The following FRMPD2 variants were observed in gnomAD, a reference collection of about 807,000 sequenced individuals.
FRMPD2 encodes the protein FERM and PDZ domain containing 2, also known as FERM and PDZ domain-containing protein 2.
FRMPD2 carries 96 observed loss-of-function variants against 140.1 expected under a neutral mutation model. That is an observed-to-expected ratio of 0.69 (90% confidence interval 0.58 to 0.81). FRMPD2 has a LOEUF of 0.81. Ranked by LOEUF, FRMPD2 falls within the 40% of genes least tolerant of loss-of-function variation. FRMPD2 has a pLI of 0.00. For synonymous variants in FRMPD2, 449 were observed against 547.6 expected (o/e 0.82, Z 2.52); for missense variants, 1,240 against 1,447.4 (o/e 0.86, Z 2.32).
At chr10:48,252,386 A>G (rs896827217) in intron 1 of FRMPD2, among the ~76,000 whole-genome samples, 1 of 152,166 alleles carries the variant, frequency 6.6e-6, no homozygotes, top group African/African-American at 2.4e-5. Context: ...ACTAATCTCC[A>G]GAGACCCAGG....
intron 12 of FRMPD2, among the ~76,000 whole-genome samples, chr10:48,214,059 C>T (rs778216373): frequency 9.2e-5 from 14 of 152,130 alleles, no homozygotes; most frequent in Non-Finnish European, 2.1e-4. Flanking sequence ...TAGTAGCTGC[C>T]GAAAAGATCT....
rs1173234591 is a variant in FRMPD2, at chr10:48,237,922, C to T, written c.921+69G>A. ...GAAGACCCTGCCCATTTTCAGCCAC[C>T]GTGCCAGCCACCCACAGCTCCCTGC... On this transcript the variant is annotated intron_variant, in intron 8 of 28. Transcript: ENST00000374201. 38 of 1,584,130 alleles carry T rather than the reference C, an allele frequency of 2.4e-5. No homozygotes were observed. In the East Asian group the frequency reaches 3.8e-4, roughly 16 times the overall value.
chr10:48,223,601 G>A (rs993235547), intron 10 of FRMPD2, among the ~76,000 whole-genome samples: 1 of 152,202 alleles, frequency 6.6e-6, no homozygotes, highest in Non-Finnish European at 1.5e-5. Context: ...AAGGAAAGGA[G>A]TTTGACTAAG....
chr10:48,232,524 C>G (rs568187106), intron 9 of FRMPD2, among the ~76,000 whole-genome samples: 1 of 152,160 alleles, frequency 6.6e-6, no homozygotes, highest in East Asian at 1.9e-4. Context: ...CAAATCTGAG[C>G]CTTCTGCCAG....
chr10:48,243,566 C>T (rs1001713916), intron 4 of FRMPD2, among the ~76,000 whole-genome samples: 4 of 152,204 alleles, frequency 2.6e-5, no homozygotes, highest in African/African-American at 9.7e-5. Context: ...TCAGGACACA[C>T]ACCCAGGAAG....
At chr10:48,256,153 T>C (rs1840483032) in intron 1 of FRMPD2, among the ~76,000 whole-genome samples, 1 of 152,128 alleles carries the variant, frequency 6.6e-6, no homozygotes, top group Non-Finnish European at 1.5e-5. Flanking sequence ...GCTTATCTGA[T>C]CTTCACCAGT....
intron 1 of FRMPD2, among the ~76,000 whole-genome samples, chr10:48,263,910 A>G (rs1840638067): frequency 6.6e-6 from 1 of 152,158 alleles, no homozygotes. Flanking sequence ...ATATTAGCAA[A>G]TCAAATCCAA....
chr10:48,212,050 C>G lies in FRMPD2; in HGVS notation c.1515G>C (p.Glu505Asp). Residue 505 changes from glutamate (E) to aspartate (D), a missense_variant, in exon 13 of 29, where the codon GAG (glutamate) becomes GAC (aspartate). By Grantham distance (45) the Glu-to-Asp change is conservative (BLOSUM62 2). Transcript: ENST00000374201. ...VEDYIPASLIERMTALRVQVE... is the reference protein window; with the variant it reads ...VEDYIPASLIDRMTALRVQVE... The stretch of plus-strand genomic sequence containing the variant: ...CCTGGACCCGTAGAGCGGTCATCCT[C>G]TCGATCAGACTCGCTGGGATGTAAT... 1 of 1,614,110 alleles carries G rather than the reference C, an allele frequency of 6.2e-7. No homozygotes were observed. Among genetic ancestry groups the G allele is most frequent in the Non-Finnish European group, 8.5e-7 (1 of 1,179,990 alleles).
chr10:48,175,650 C>T (rs1250476705), intron 23 of FRMPD2, among the ~76,000 whole-genome samples, 196 bp downstream of exon 23: 1 of 151,960 alleles, frequency 6.6e-6, no homozygotes, highest in Admixed American at 6.5e-5. Flanking sequence ...CTGCAGACCC[C>T]CCAACCTATC....
chr10:48,191,543 A>G (rs545857634), intron 16 of FRMPD2, among the ~76,000 whole-genome samples: 1 of 152,262 alleles, frequency 6.6e-6, no homozygotes, highest in South Asian at 2.1e-4. Flanking sequence ...GGTGCACGGC[A>G]ATGTACATTT....
intron 13 of FRMPD2, 58 bp from the exon 14 acceptor site, chr10:48,206,991 C>T: frequency 6.7e-7 from 1 of 1,503,358 alleles, no homozygotes; most frequent in South Asian, 1.2e-5. Flanking sequence ...AATAATGGGC[C>T]TCACGCCATT....
At chr10:48,250,796 T>TTTA (rs1491552899) in intron 2 of FRMPD2, among the ~76,000 whole-genome samples, 1 of 79,482 alleles carries the variant, frequency 1.3e-5, no homozygotes, top group African/African-American at 9.8e-5. Context: ...TAGGTCTGCC[T>TTTA]TTTTTTTTTT....
chr10:48,166,542 C>G (rs1442658431), intron 27 of FRMPD2, among the ~76,000 whole-genome samples: 18 of 122,718 alleles, frequency 1.5e-4, no homozygotes, highest in Non-Finnish European at 5.2e-5. Context: ...CCCCAAGGCC[C>G]TCCAGGGTCC....
At chr10:48,237,079 A>G (rs1839983372) in intron 8 of FRMPD2, among the ~76,000 whole-genome samples, 1 of 151,290 alleles carries the variant, frequency 6.6e-6, no homozygotes, top group African/African-American at 2.4e-5. Context: ...TGGGGTGCAT[A>G]TTCTCAACCC....
intron 1 of FRMPD2, among the ~76,000 whole-genome samples, chr10:48,257,397 A>G (rs978106175): frequency 1.2e-4 from 18 of 151,796 alleles, no homozygotes; most frequent in African/African-American, 3.9e-4. Context: ...ATCCTGCCTC[A>G]ACCTCCTGAG....
intron 28 of FRMPD2, among the ~76,000 whole-genome samples, chr10:48,161,681 A>T (rs1837945462): frequency 6.6e-6 from 1 of 151,486 alleles, no homozygotes; most frequent in South Asian, 2.1e-4. Flanking sequence ...TTCAAGAGGT[A>T]GCAAGTTCTG....
chr10:48,239,646 C>T lies in FRMPD2; in HGVS notation c.747G>A (p.Trp249Ter). 6.2e-7 allele frequency: 1 copy of T among 1,614,138 alleles called. No homozygotes were observed. The highest frequency in any genetic ancestry group is 1.1e-5 in the South Asian group (1 of 91,056). Residue 249 changes from tryptophan to a stop codon, truncating the protein, a stop_gained, in exon 7 of 29, where the codon TGG becomes TGA. Coordinates refer to ENST00000374201, the MANE Select transcript of FRMPD2 (RefSeq NM_001018071.4). LOFTEE classifies it high-confidence loss of function. ...TGCAGTGACTGTGTGTCAAGGTGCT[C>T]CAATGGGGCTCTGGTGAGCTCTGGG... ...TETQSSPEPH[W>*]STLTHSHCSL...
In FRMPD2 at chr10:48,168,697, C is replaced by A. The variant is rs556452511; in HGVS notation, c.3439-4G>T. ...CTCTCAGTAAATGCAGCACCTCCTG[C>A]GAAAAACCAAGATTCACTGTTAGAT... On this transcript the variant is annotated splice_polypyrimidine_tract_variant and splice_region_variant and intron_variant, in intron 26 of 28. Coordinates refer to ENST00000374201, the MANE Select transcript of FRMPD2 (RefSeq NM_001018071.4). 1.6e-5 allele frequency: 16 copies of A among 996,172 alleles called. 4 individuals are homozygous for A. The East Asian group carries it at 4.5e-4, about 28-fold the overall frequency. 61.7% of individuals were successfully genotyped at this position (996,172 alleles called of 1,614,324 possible).
At chr10:48,219,492 C>T (rs994062745) in intron 12 of FRMPD2, among the ~76,000 whole-genome samples, 1 of 152,162 alleles carries the variant, frequency 6.6e-6, no homozygotes, top group Non-Finnish European at 1.5e-5. Flanking sequence ...GATGTCATGT[C>T]ACACTGCTGG....
Sources: allele counts gnomAD v4.1 joint callset (sites outside exome capture counted in the v4.1 genomes callset), GRCh38; gene constraint gnomAD v4.1.1; transcripts MANE v1.5; gene names NCBI Gene and HGNC (gene_info 2026-07-23, HGNC 2026-07-21).